FAF1: variants seen among roughly 807,000 people sequenced by gnomAD.
FAF1 encodes Fas associated factor 1, also known as FAS-associated factor 1.
FAF1 carries 25 observed loss-of-function variants against 92.5 expected under a neutral mutation model. That is an observed-to-expected ratio of 0.27 (90% confidence interval 0.20 to 0.38). The LOEUF (loss-of-function observed/expected upper bound fraction) is 0.38. Among genes scored for constraint, FAF1 ranks in the 10% least tolerant of loss-of-function variants. The pLI, the probability that FAF1 is intolerant of heterozygous loss-of-function variation, is 1.00. For synonymous variants in FAF1, 234 were observed against 273.2 expected, an observed-to-expected ratio of 0.86 and a Z score of 1.42; for missense variants, 636 against 793.3, an observed-to-expected ratio of 0.80 and a Z score of 2.38.
At chr1:50,897,332 G>C (rs563521080) in intron 1 of FAF1, among the ~76,000 whole-genome samples, 31 of 152,330 alleles carry the variant, frequency 2.0e-4, no homozygotes, top group African/African-American at 7.5e-4. Flanking sequence ...TGCATGGGCA[G>C]AGGAGAGTGT....
chr1:50,846,597 A>G, intron 2 of FAF1: 1 of 533,184 alleles, frequency 1.9e-6, no homozygotes, highest in Non-Finnish European at 3.7e-6. Flanking sequence ...AACCTGGGTG[A>G]GTGAGCGCTT....
chr1:50,866,533 C>T (rs1644483154), intron 1 of FAF1, among the ~76,000 whole-genome samples: 1 of 152,068 alleles, frequency 6.6e-6, no homozygotes, highest in Non-Finnish European at 1.5e-5. Context: ...AGTAGCACTG[C>T]TATACACCAA....
rs1212408773 is a variant in FAF1 at position 50,440,396 on chromosome 1, C to T, written c.*1044G>A. Reference sequence around the variant, plus strand: ...CTTCAACATATGAAGTCTGATTTTTCAGCCACAGAATGAGATCCCTTTCAT... The same window carrying T: ...CTTCAACATATGAAGTCTGATTTTTTAGCCACAGAATGAGATCCCTTTCAT... On this transcript the variant is annotated 3_prime_UTR_variant, in exon 19 of 19. Transcript: ENST00000396153. The T allele has an allele frequency of 2.0e-5, 3 of 152,214 alleles. No homozygotes were observed. Among genetic ancestry groups the T allele is most frequent in the African/African-American group, 7.2e-5 (3 of 41,458 alleles). The allele number at this position is 152,214 out of a possible 1,614,324, so 9.4% of individuals were successfully genotyped here.
chr1:50,952,260 GCCACGCCTGACTGGT>G (rs1010695754), intron 1 of FAF1, among the ~76,000 whole-genome samples: 29 of 152,186 alleles, frequency 1.9e-4, no homozygotes, highest in African/African-American at 6.8e-4. Flanking sequence ...GGCGCGCGCC[GCCACGCCTGACTGGT>G]TTTCGTATCT....
intron 12 of FAF1, among the ~76,000 whole-genome samples, chr1:50,572,657 C>T (rs1650499374): frequency 6.6e-6 from 1 of 152,172 alleles, no homozygotes; most frequent in Admixed American, 6.5e-5. Context: ...CATTGCCCTG[C>T]TATGTGACCT....
intron 2 of FAF1, among the ~76,000 whole-genome samples, chr1:50,830,422 A>G (rs893522002): frequency 6.6e-6 from 1 of 152,232 alleles, no homozygotes; most frequent in African/African-American, 2.4e-5. Context: ...ACAGGGTATC[A>G]TTTAAGATAC....
At chr1:50,619,058 C>CT (rs1653068534) in intron 8 of FAF1, among the ~76,000 whole-genome samples, 1 of 152,126 alleles carries the variant, frequency 6.6e-6, no homozygotes, top group African/African-American at 2.4e-5. Flanking sequence ...CACCTGGCCC[C>CT]TTGCTCTATT....
intron 7 of FAF1, among the ~76,000 whole-genome samples, chr1:50,677,671 G>A (rs1169041154): frequency 1.3e-5 from 2 of 151,968 alleles, no homozygotes; most frequent in Non-Finnish European, 1.5e-5. Context: ...AAGGTGGGTG[G>A]GTCACCTGAG....
chr1:50,906,190 G>C (rs1644836688), intron 1 of FAF1, among the ~76,000 whole-genome samples: 1 of 152,166 alleles, frequency 6.6e-6, no homozygotes, highest in Non-Finnish European at 1.5e-5. Context: ...GATGGTTGTA[G>C]ATGTGTGGTA....
At chr1:50,518,377 GT>G (rs1647315152) in intron 15 of FAF1, among the ~76,000 whole-genome samples, 1 of 151,460 alleles carries the variant, frequency 6.6e-6, no homozygotes, top group South Asian at 2.1e-4. Context: ...CATTTGGGTT[GT>G]TTTTAGTTTT....
chr1:50,555,323 A>G (rs1649522152), intron 13 of FAF1, among the ~76,000 whole-genome samples: 1 of 152,072 alleles, frequency 6.6e-6, no homozygotes, highest in African/African-American at 2.4e-5. Context: ...AAGCTTCTAA[A>G]AAGCTTCTGC....
chr1:50,640,838 T>TC (rs1654293600), intron 8 of FAF1, among the ~76,000 whole-genome samples: 1 of 141,620 alleles, frequency 7.1e-6, no homozygotes, highest in Admixed American at 7.1e-5. Flanking sequence ...GATTTTTTTT[T>TC]TTTTTTTTTT....
At chr1:50,804,947 A>G (rs1662134400) in intron 2 of FAF1, among the ~76,000 whole-genome samples, 1 of 152,208 alleles carries the variant, frequency 6.6e-6, no homozygotes, top group Non-Finnish European at 1.5e-5. Flanking sequence ...TACTTTTAGA[A>G]AAGAGATCAA....
chr1:50,700,048 C>G (rs1657397837), intron 7 of FAF1, among the ~76,000 whole-genome samples: 1 of 152,020 alleles, frequency 6.6e-6, no homozygotes, highest in African/African-American at 2.4e-5. Flanking sequence ...AAAAAAAACT[C>G]CAATTGGCTT....
chr1:50,784,484 T>C (rs897459419), intron 4 of FAF1, among the ~76,000 whole-genome samples: 2 of 152,104 alleles, frequency 1.3e-5, no homozygotes, highest in Admixed American at 6.6e-5. Flanking sequence ...AATAAACTTA[T>C]CCAGAGACAA....
intron 13 of FAF1, among the ~76,000 whole-genome samples, chr1:50,539,998 G>T (rs892688362): frequency 3.9e-5 from 6 of 151,930 alleles, no homozygotes; most frequent in African/African-American, 1.2e-4. Flanking sequence ...TTGAGACAGA[G>T]TCTCTCTCTG....
At chr1:50,470,040 T>C (rs1646551220) in intron 18 of FAF1, among the ~76,000 whole-genome samples, 1 of 152,242 alleles carries the variant, frequency 6.6e-6, no homozygotes, top group Non-Finnish European at 1.5e-5. Context: ...GTCATTCAAT[T>C]GCATTAAAGT....
chr1:50,576,639 C>A (rs865834700), intron 12 of FAF1, among the ~76,000 whole-genome samples: 6 of 150,968 alleles, frequency 4.0e-5, no homozygotes, highest in Admixed American at 6.6e-5. Context: ...CACCGCCCCC[C>A]CCCCGCCACC....
chr1:50,720,707 G>A (rs1251174580), intron 6 of FAF1, among the ~76,000 whole-genome samples: 1 of 152,026 alleles, frequency 6.6e-6, no homozygotes. Context: ...TTATCAACCA[G>A]GGAAAATTAA....
Sources: allele counts gnomAD v4.1 joint callset (sites outside exome capture counted in the v4.1 genomes callset), GRCh38; gene constraint gnomAD v4.1.1; transcripts MANE v1.5; gene names NCBI Gene and HGNC (gene_info 2026-07-23, HGNC 2026-07-21).